The following VPS53 variants were observed in gnomAD, a reference collection of about 807,000 sequenced individuals.
VPS53 encodes the protein vacuolar protein sorting-associated protein 53 homolog.
VPS53 carries 70 observed loss-of-function variants against 107.0 expected under a neutral mutation model. That is an observed-to-expected ratio of 0.65 (90% confidence interval 0.54 to 0.80). VPS53 has a LOEUF of 0.80. Among genes scored for constraint, VPS53 ranks in the 30% least tolerant of loss-of-function variants. The pLI, the probability that VPS53 is intolerant of heterozygous loss-of-function variation, is 0.00. For missense variants in VPS53, 917 were observed against 1,049.4 expected, an observed-to-expected ratio of 0.87 and a Z score of 1.74; for synonymous variants, 409 against 393.3, an observed-to-expected ratio of 1.04 and a Z score of -0.47.
chr17:606,937 G>C (rs1322451748), intron 11 of VPS53, among the ~76,000 whole-genome samples: 3 of 150,494 alleles, frequency 2.0e-5, no homozygotes, highest in African/African-American at 7.4e-5. Context: ...AAAAGGTTGG[G>C]GACAGCTGGA....
chr17:589,590 T>C (rs1967526604), intron 12 of VPS53, among the ~76,000 whole-genome samples: 1 of 152,232 alleles, frequency 6.6e-6, no homozygotes. Context: ...TTGTAACTTT[T>C]CTCTTAGTTT....
chr17:560,473 A>C lies in VPS53; in HGVS notation c.1657T>G (p.Cys553Gly). The change falls in exon 15 of 22, where the codon TGT (cysteine) becomes GGT (glycine). Residue 553 changes from cysteine to glycine, a missense_variant. Physicochemically the swap from Cys to Gly is radical, Grantham distance 159. Coordinates refer to ENST00000437048, the MANE Select transcript of VPS53 (RefSeq NM_001128159.3). Reference sequence around the variant, plus strand: ...TACTCTGCCGTGCTCAGGATGTTACAGATGAGGCAGAGCTCCTCCAGAGTG... The same window carrying C: ...TACTCTGCCGTGCTCAGGATGTTACCGATGAGGCAGAGCTCCTCCAGAGTG... The part of the protein sequence containing the change: ...KFTLEELCLI[C>G]NILSTAEYCL... 1 of 1,613,106 alleles carries C rather than the reference A, an allele frequency of 6.2e-7. No individual in the cohort carries two copies. The highest frequency in any genetic ancestry group is 8.5e-7 in the Non-Finnish European group (1 of 1,180,010).
intron 3 of VPS53, among the ~76,000 whole-genome samples, chr17:698,635 C>T (rs899071824): frequency 4.6e-5 from 7 of 150,658 alleles, no homozygotes; most frequent in African/African-American, 1.7e-4. Flanking sequence ...CCCAGGAGTT[C>T]GAGGCTGCAG....
At chr17:592,710 T>C (rs1468118299) in intron 12 of VPS53, among the ~76,000 whole-genome samples, 2 of 152,216 alleles carry the variant, frequency 1.3e-5, no homozygotes, top group East Asian at 1.9e-4. Flanking sequence ...TGTTGAATAT[T>C]GGCCACCACT....
At chr17:578,852 TC>T (rs1388448020) in intron 13 of VPS53, among the ~76,000 whole-genome samples, 12 of 148,470 alleles carry the variant, frequency 8.1e-5, no homozygotes, top group Admixed American at 8.0e-4. Context: ...CCTAATGCGG[TC>T]CCAGAGAACA....
intron 13 of VPS53, among the ~76,000 whole-genome samples, chr17:573,489 G>A (rs1597323761): frequency 6.6e-6 from 1 of 152,166 alleles, no homozygotes; most frequent in Non-Finnish European, 1.5e-5. Context: ...CTGGGGAGAT[G>A]AGAAGGTGGA....
At chr17:709,627 C>T (rs1973561644) in intron 2 of VPS53, among the ~76,000 whole-genome samples, 1 of 152,154 alleles carries the variant, frequency 6.6e-6, no homozygotes, top group African/African-American at 2.4e-5. Flanking sequence ...TCTCTGCACC[C>T]TCAGCACCTA....
intron 12 of VPS53, among the ~76,000 whole-genome samples, chr17:601,542 C>T (rs550881308): frequency 6.6e-6 from 1 of 152,214 alleles, no homozygotes; most frequent in South Asian, 2.1e-4. Context: ...CTCCTGGCCC[C>T]ACCACAGTGG....
At chr17:694,014 G>C (rs537725399) in intron 4 of VPS53, among the ~76,000 whole-genome samples, 1 of 152,168 alleles carries the variant, frequency 6.6e-6, no homozygotes, top group Non-Finnish European at 1.5e-5. Flanking sequence ...CAGCCAGCCA[G>C]GGCTGGAGAG....
chr17:665,564 G>A (rs958036239), intron 4 of VPS53, among the ~76,000 whole-genome samples: 3 of 152,220 alleles, frequency 2.0e-5, no homozygotes, highest in Non-Finnish European at 4.4e-5. Flanking sequence ...GAACAGTCTT[G>A]AAGTGAAGGC....
At chr17:568,384 G>A (rs2151861052) in intron 13 of VPS53, among the ~76,000 whole-genome samples, 1 of 151,872 alleles carries the variant, frequency 6.6e-6, no homozygotes, top group South Asian at 2.1e-4. Flanking sequence ...TGGGACTACA[G>A]GTGCACACCA....
intron 17 of VPS53, among the ~76,000 whole-genome samples, chr17:546,508 T>C (rs1911210674): frequency 6.6e-6 from 1 of 152,014 alleles, no homozygotes; most frequent in Non-Finnish European, 1.5e-5. Context: ...AAAAGAACTT[T>C]TACAATTCAA....
chr17:558,704 G>A (rs1912669221), intron 15 of VPS53, among the ~76,000 whole-genome samples: 1 of 148,804 alleles, frequency 6.7e-6, no homozygotes, highest in Non-Finnish European at 1.5e-5. Flanking sequence ...TATGGTACAA[G>A]GCCGGGCACA....
Position 519,045 on chromosome 17 carries a change from C to T in VPS53, c.*83G>A, listed in dbSNP as rs1030714924. The T allele has an allele frequency of 3.8e-5, 53 of 1,391,024 alleles. No homozygotes were observed. The highest frequency in any genetic ancestry group is 1.5e-4 in the African/African-American group (10 of 68,246). 86.2% of individuals were successfully genotyped at this position (1,391,024 alleles called of 1,614,324 possible). A position where few individuals can be genotyped will look rare whatever the true frequency, so the allele number is the denominator to read the frequency against. On this transcript the variant is annotated 3_prime_UTR_variant, in exon 22 of 22. Transcript: ENST00000437048. The surrounding 1 kb of genome is among the most constrained non-coding windows in gnomAD (Gnocchi z 5.0). The stretch of plus-strand genomic sequence containing the variant: ...TTGAAGACCGACGATGTGAGAGTGC[C>T]GGGGAGCACAGGAGAGGTTGGGGGC...
chr17:591,807 T>C (rs1858004668), intron 12 of VPS53, among the ~76,000 whole-genome samples: 1 of 152,186 alleles, frequency 6.6e-6, no homozygotes, highest in Admixed American at 6.5e-5. Flanking sequence ...TGTGGTCAAT[T>C]TTGGAATAGA....
intron 1 of VPS53, among the ~76,000 whole-genome samples, chr17:713,457 A>C (rs935429658): frequency 6.6e-6 from 1 of 151,670 alleles, no homozygotes; most frequent in African/African-American, 2.4e-5. Flanking sequence ...GTTCAAGACC[A>C]GCCTGGCCAA....
intron 18 of VPS53, among the ~76,000 whole-genome samples, chr17:533,835 ATC>A (rs1375703094): frequency 7.1e-6 from 1 of 141,668 alleles, no homozygotes; most frequent in African/African-American, 2.6e-5. Context: ...CATTGAGTAA[ATC>A]ATAAACTTTT....
intron 4 of VPS53, among the ~76,000 whole-genome samples, chr17:662,430 C>CACTGTCCCAG (rs1971470942): frequency 6.6e-6 from 1 of 152,226 alleles, no homozygotes; most frequent in African/African-American, 2.4e-5. Context: ...TGGCTCACGC[C>CACTGTCCCAG]TGTAATCCCA....
intron 15 of VPS53, among the ~76,000 whole-genome samples, chr17:555,614 C>T (rs746760769): frequency 1.5e-4 from 23 of 152,214 alleles, no homozygotes; most frequent in South Asian, 4.1e-4. Context: ...GGATTACAGG[C>T]GTGAGCCCCT....
Sources: gnomAD v4.1 joint callset for allele counts (sites outside exome capture counted in the v4.1 genomes callset) on GRCh38, gnomAD v4.1.1 for gene constraint, Gnocchi (gnomAD v3.1) non-coding constraint, MANE v1.5 for transcripts, NCBI Gene and HGNC (gene_info 2026-07-23, HGNC 2026-07-21) for gene names.